CYP2E1: variants seen among roughly 807,000 people sequenced by gnomAD.
The protein encoded by CYP2E1 is cytochrome P450 2E1.
CYP2E1 carries 31 observed loss-of-function variants against 42.9 expected under a neutral mutation model. That is an observed-to-expected ratio of 0.72 (90% CI 0.54 to 0.98). The LOEUF (loss-of-function observed/expected upper bound fraction) is 0.98. CYP2E1 is among the 50% of genes least tolerant of loss of function. The pLI, the probability that CYP2E1 is intolerant of heterozygous loss-of-function variation, is 0.00. For missense variants in CYP2E1, 565 were observed against 633.2 expected (o/e 0.89, Z 1.16); for synonymous variants, 244 against 248.9 (o/e 0.98, Z 0.19).
At chr10:133,537,526 A>G (rs1393024720) in intron 7 of CYP2E1, 4 of 598,204 alleles carry the variant, frequency 6.7e-6, no homozygotes, top group Admixed American at 3.1e-5. Context: ...AACTATCACA[A>G]CCAGCCCTGG....
At chr10:133,528,045 G>C (rs1032302437) in intron 1 of CYP2E1, 1 of 225,552 alleles carries the variant, frequency 4.4e-6, no homozygotes, top group Non-Finnish European at 8.7e-6. Flanking sequence ...AGCAGGCGCT[G>C]GGTGTTTGCG....
Position 133,537,786 on chromosome 10 carries a change from G to T in CYP2E1, c.1191G>T (p.Leu397Phe). Residue 397 changes from leucine to phenylalanine, a missense_variant, in exon 8 of 9, where the codon TTG (leucine) becomes TTT (phenylalanine). Physicochemically the swap from Leu to Phe is conservative, Grantham distance 22. Transcript: ENST00000252945. ...TAGTGCCAACTCTGGACTCTGTTTT[G>T]TATGACAACCAAGAATTTCCTGATC... Reference protein sequence around the residue: ...TVVVPTLDSVLYDNQEFPDPE... With the variant: ...TVVVPTLDSVFYDNQEFPDPE... The T allele has an allele frequency of 6.2e-7, 1 of 1,613,880 alleles. No homozygotes were observed. Among genetic ancestry groups the T allele is most frequent in the Non-Finnish European group, 8.5e-7 (1 of 1,179,862 alleles).
Position 133,528,427 on chromosome 10 carries a change from C to T in CYP2E1, c.178-54C>T, listed in dbSNP as rs113035133. On this transcript the variant is annotated intron_variant, in intron 1 of 8. Coordinates refer to ENST00000252945, the MANE Select transcript of CYP2E1 (RefSeq NM_000773.4). ...GCCCGGCAGGGGTGTGGCTTAGAGC[C>T]CCGCACCTCCTCGCCGCGCGGCGGG... The T allele has an allele frequency of 2.6e-5, 42 of 1,601,614 alleles. No homozygotes were observed. In the African/African-American group the frequency reaches 2.9e-4, roughly 11 times the overall value.
intron 2 of CYP2E1, among the ~76,000 whole-genome samples, chr10:133,529,487 C>T (rs943621860): frequency 6.6e-6 from 1 of 152,254 alleles, no homozygotes; most frequent in African/African-American, 2.4e-5. Flanking sequence ...TCTACTTCTT[C>T]CTGGGTCAAC....
At chr10:133,537,314 C>A in intron 7 of CYP2E1, 64 bp downstream of exon 7, 1 of 1,545,544 alleles carries the variant, frequency 6.5e-7, no homozygotes, top group South Asian at 1.2e-5. Flanking sequence ...GCCTTCCTGC[C>A]AGGGAGCAGG....
rs1851346124 is a variant in CYP2E1, at chr10:133,532,156, T to C, written c.520T>C (p.Cys174Arg). 1.9e-6 allele frequency: 3 copies of C among 1,613,984 alleles called. No individual in the cohort carries two copies. Among genetic ancestry groups the C allele is most frequent in the Non-Finnish European group, 1.7e-6 (2 of 1,179,992 alleles). ...TTTCGACCCCACCTTCCTCATCGGCTGCGCGCCCTGCAACGTCATAGCCGA... is the reference window on the plus strand; with the variant it reads ...TTTCGACCCCACCTTCCTCATCGGCCGCGCGCCCTGCAACGTCATAGCCGA... Reference protein sequence around the residue: ...QPFDPTFLIGCAPCNVIADIL... With the variant: ...QPFDPTFLIGRAPCNVIADIL... Residue 174 changes from cysteine (C) to arginine (R), a missense_variant, in exon 4 of 9, where the codon TGC (cysteine) becomes CGC (arginine). Coordinates refer to ENST00000252945, the MANE Select transcript of CYP2E1 (RefSeq NM_000773.4).
intron 2 of CYP2E1, among the ~76,000 whole-genome samples, chr10:133,528,852 G>A (rs1469412092): frequency 1.3e-5 from 2 of 152,250 alleles, no homozygotes; most frequent in Non-Finnish European, 2.9e-5. Context: ...CGGCCTCTCG[G>A]CGACTGTGCG....
At chr10:133,538,480 C>T (rs1851432804) in intron 8 of CYP2E1, among the ~76,000 whole-genome samples, 1 of 152,200 alleles carries the variant, frequency 6.6e-6, no homozygotes, top group Non-Finnish European at 1.5e-5. Flanking sequence ...CTGATGAGCA[C>T]TGGGGGTGCC....
chr10:133,538,130 C>A (rs1239780341), intron 8 of CYP2E1, among the ~76,000 whole-genome samples: 1 of 151,404 alleles, frequency 6.6e-6, no homozygotes, highest in Non-Finnish European at 1.5e-5. Flanking sequence ...TTTTTTTTTC[C>A]CAAAGACTAG....
At chr10:133,531,535 TC>T in intron 2 of CYP2E1, 49 bp from the exon 3 acceptor site, 1 of 1,603,108 alleles carries the variant, frequency 6.2e-7, no homozygotes. Context: ...AGCCCATTTC[TC>T]CCCAAAATGG....
In CYP2E1 at chr10:133,532,107, G is replaced by T; in HGVS notation, c.488-17G>T. ...CTCACCCCCATCTTCTGGTTGCCCT[G>T]ACTGCCTGTTTTGTAGGCCAGCCTT... On this transcript the variant is annotated splice_polypyrimidine_tract_variant and intron_variant, in intron 3 of 8. Coordinates refer to ENST00000252945, the MANE Select transcript of CYP2E1 (RefSeq NM_000773.4). 1.2e-6 allele frequency: 2 copies of T among 1,609,338 alleles called. No individual in the cohort carries two copies. The highest frequency in any genetic ancestry group is 1.7e-6 in the Non-Finnish European group (2 of 1,176,722).
chr10:133,531,570 G>GCC lies in CYP2E1; in HGVS notation c.338-12_338-11dup, dbSNP rs772953145. 6.2e-7 allele frequency: 1 copy of GCC among 1,613,848 alleles called. No individual in the cohort carries two copies. The highest frequency in any genetic ancestry group is 1.3e-5 in the African/African-American group (1 of 74,972). On this transcript the variant is annotated splice_polypyrimidine_tract_variant and intron_variant, in intron 2 of 8. Coordinates refer to ENST00000252945, the MANE Select transcript of CYP2E1 (RefSeq NM_000773.4). ...GGGTATTTAGAATAACCTTCTGCTG[G>GCC]CCCCTCTGCCTTAGGAATCATTTTT...
In CYP2E1 at chr10:133,532,159, G is replaced by A. The variant is rs56040284; in HGVS notation, c.523G>A (p.Ala175Thr). The change falls in exon 4 of 9, where the codon GCG (alanine) becomes ACG (threonine). Residue 175 changes from alanine (A) to threonine (T), a missense_variant. Ala to Thr is a moderately conservative substitution (Grantham distance 58). Coordinates refer to ENST00000252945, the MANE Select transcript of CYP2E1 (RefSeq NM_000773.4). Reference protein sequence around the residue: ...PFDPTFLIGCAPCNVIADILF... With the variant: ...PFDPTFLIGCTPCNVIADILF... ...CGACCCCACCTTCCTCATCGGCTGC[G>A]CGCCCTGCAACGTCATAGCCGACAT... is the stretch of plus-strand genomic sequence containing the variant. 5.6e-5 allele frequency: 91 copies of A among 1,613,890 alleles called. No individual in the cohort carries two copies. The highest frequency in any genetic ancestry group is 4.2e-4 in the East Asian group (19 of 44,864).
At chr10:133,534,868 ATT>A (rs71016459) in intron 6 of CYP2E1, among the ~76,000 whole-genome samples, 8 of 146,796 alleles carry the variant, frequency 5.4e-5, no homozygotes, top group African/African-American at 5.1e-5. Flanking sequence ...TTATTTATTT[ATT>A]TTTTTTTTTG....
chr10:133,527,855 G>A (rs1851288957), intron 1 of CYP2E1, among the ~76,000 whole-genome samples: 1 of 152,228 alleles, frequency 6.6e-6, no homozygotes, highest in Admixed American at 6.5e-5. Flanking sequence ...CAGGATAACC[G>A]GGCTGGCGGC....
chr10:133,533,121 C>G (rs957936847), intron 5 of CYP2E1, among the ~76,000 whole-genome samples: 1 of 152,180 alleles, frequency 6.6e-6, no homozygotes, highest in Non-Finnish European at 1.5e-5. Context: ...CTGCTCAACC[C>G]TTTCTAGTCT....
intron 4 of CYP2E1, among the ~76,000 whole-genome samples, 189 bp from the exon 5 acceptor site, chr10:133,532,503 G>A (rs1851351323): frequency 6.6e-6 from 1 of 152,062 alleles, no homozygotes; most frequent in South Asian, 2.1e-4. Context: ...ACCTGTGTGT[G>A]CACATTTGCC....
intron 1 of CYP2E1, chr10:133,528,256 G>T (rs1376376269): frequency 3.8e-6 from 2 of 523,958 alleles, no homozygotes; most frequent in Admixed American, 6.3e-5. Flanking sequence ...CGGAGTCCAG[G>T]CGGGTGGGGA....
chr10:133,532,043 G>A lies in CYP2E1; in HGVS notation c.488-81G>A, dbSNP rs958885659. ...TCAGGGCACCTTCTCACAGGCCTTG[G>A]TGAACCTCAGTGGGTGACTGAGCAG... On this transcript the variant is annotated intron_variant, in intron 3 of 8. Coordinates refer to ENST00000252945, the MANE Select transcript of CYP2E1 (RefSeq NM_000773.4). The A allele has an allele frequency of 1.1e-5, 15 of 1,360,472 alleles. No individual in the cohort carries two copies. In the African/African-American group the frequency reaches 2.0e-4, roughly 18 times the overall value. 84.3% of individuals were successfully genotyped at this position (1,360,472 alleles called of 1,614,324 possible).
Sources: gnomAD v4.1 joint callset for allele counts (sites outside exome capture counted in the v4.1 genomes callset) on GRCh38, gnomAD v4.1.1 for gene constraint, MANE v1.5 for transcripts, NCBI Gene and HGNC (gene_info 2026-07-23, HGNC 2026-07-21) for gene names.